The following EIF2AK1 variants were observed in gnomAD, a reference collection of about 807,000 sequenced individuals.
EIF2AK1 encodes the protein eukaryotic translation initiation factor 2 alpha kinase 1, also known as eukaryotic translation initiation factor 2-alpha kinase 1.
Under a neutral mutation model 77.9 loss-of-function variants are expected in EIF2AK1, and 54 were observed. The ratio of observed to expected loss-of-function variants is 0.69; its 90% CI spans 0.56 to 0.87. The LOEUF is 0.87. Among genes scored for constraint, EIF2AK1 ranks in the 40% least tolerant of loss-of-function variants. The probability of loss-of-function intolerance (pLI) is 0.00; values close to 1 mark genes in which losing one functional copy is unlikely to be tolerated. For synonymous variants in EIF2AK1, 314 were observed against 290.5 expected (o/e 1.08, Z -0.82); for missense variants, 810 against 768.6 (o/e 1.05, Z -0.64).
chr7:6,043,030 C>G, intron 7 of EIF2AK1, 37 bp from the exon 8 acceptor site: 1 of 1,600,204 alleles, frequency 6.2e-7, no homozygotes, highest in Non-Finnish European at 8.6e-7. Context: ...TTCAAACAGC[C>G]CAGTTTTTCA....
At chr7:6,026,226 A>G (rs531181941) in intron 14 of EIF2AK1, among the ~76,000 whole-genome samples, 1 of 151,996 alleles carries the variant, frequency 6.6e-6, no homozygotes, top group Non-Finnish European at 1.5e-5. Context: ...CCCTCGAGGG[A>G]CCCGCCCACC....
At position 6,027,105 on chromosome 7, in the gene EIF2AK1, A is replaced by C; in HGVS notation, c.1531-144T>G. ...CCCACAAGGAAGGGAACAGAGCAGG[A>C]TAGCTCATCAGTGACAGGGACTTTC... On this transcript the variant is annotated intron_variant, in intron 13 of 14. Transcript: ENST00000199389. The surrounding 1 kb of genome is among the most constrained non-coding windows in gnomAD (Gnocchi z 4.5). 1 of 686,068 alleles carries C rather than the reference A, an allele frequency of 1.5e-6. No individual in the cohort carries two copies. The highest frequency in any genetic ancestry group is 2.5e-6 in the Non-Finnish European group (1 of 407,676). The allele number at this position is 686,068 out of a possible 1,614,324, so 42.5% of individuals were successfully genotyped here. A position where few individuals can be genotyped will look rare whatever the true frequency, so the allele number is the denominator to read the frequency against.
chr7:6,034,256 A>G (rs1432166550), intron 11 of EIF2AK1, among the ~76,000 whole-genome samples: 3 of 152,004 alleles, frequency 2.0e-5, no homozygotes, highest in Non-Finnish European at 4.4e-5. Flanking sequence ...GCAGTGAGCC[A>G]AAATCACGCC....
chr7:6,031,650 A>G lies in EIF2AK1; in HGVS notation c.1333-2618T>C, dbSNP rs1787916717. On this transcript the variant is annotated intron_variant, in intron 11 of 14. Coordinates refer to ENST00000199389, the MANE Select transcript of EIF2AK1 (RefSeq NM_014413.4). Reference sequence around the variant, plus strand: ...AAAGTCAGGCTGCTTAGAAAGAAGCATGATCTAAAGCTGGTGAACCCACTA... The same window carrying G: ...AAAGTCAGGCTGCTTAGAAAGAAGCGTGATCTAAAGCTGGTGAACCCACTA... The G allele has an allele frequency of 3.3e-6, 5 of 1,495,666 alleles. No homozygotes were observed. In the South Asian group the frequency reaches 4.9e-5, roughly 15 times the overall value. 92.6% of individuals were successfully genotyped at this position (1,495,666 alleles called of 1,614,324 possible).
At chr7:6,026,373 G>A (rs1787745839) in intron 14 of EIF2AK1, 1 of 482,226 alleles carries the variant, frequency 2.1e-6, no homozygotes, top group South Asian at 1.6e-5. Context: ...TGCAAACCCT[G>A]CGGGCCCCTC....
At chr7:6,026,555 AC>A (rs1787752290) in intron 14 of EIF2AK1, 172 bp downstream of exon 14, 3 of 715,318 alleles carry the variant, frequency 4.2e-6, no homozygotes, top group Admixed American at 4.0e-5. Flanking sequence ...CTGCCAGCAC[AC>A]CCTGCAGCTG....
chr7:6,024,475 G>C lies in EIF2AK1; in HGVS notation c.*198C>G, dbSNP rs1787680288. The C allele has an allele frequency of 2.1e-6, 3 of 1,417,598 alleles. No homozygotes were observed. The highest frequency in any genetic ancestry group is 2.7e-6 in the Non-Finnish European group (3 of 1,092,828). The allele number at this position is 1,417,598 out of a possible 1,614,324, so 87.8% of individuals were successfully genotyped here. On this transcript the variant is annotated 3_prime_UTR_variant, in exon 15 of 15. Coordinates refer to ENST00000199389, the MANE Select transcript of EIF2AK1 (RefSeq NM_014413.4). ...TTTTAGTTTCAGAGACTAGGCATAT[G>C]GTTAATATTTAGGTAGGAAATTCAG...
chr7:6,029,567 C>T (rs766090723), intron 11 of EIF2AK1, among the ~76,000 whole-genome samples: 1 of 151,964 alleles, frequency 6.6e-6, no homozygotes, highest in Non-Finnish European at 1.5e-5. Flanking sequence ...TGAACGCAAG[C>T]ATCAGTATTA....
Position 6,046,945 on chromosome 7 carries a change from C to T in EIF2AK1, c.549+47G>A, listed in dbSNP as rs757603130. 11 of 1,429,366 alleles carry T rather than the reference C, an allele frequency of 7.7e-6. 1 individual carries two copies. The South Asian group carries it at 1.4e-4, about 18-fold the overall frequency. 88.5% of individuals were successfully genotyped at this position (1,429,366 alleles called of 1,614,324 possible). ...GAATAATGAAAACAATATCTGAAAA[C>T]ACAATTATTTAGGGTAGTAGGTCAA... On this transcript the variant is annotated intron_variant, in intron 5 of 14. Coordinates refer to ENST00000199389, the MANE Select transcript of EIF2AK1 (RefSeq NM_014413.4).
At chr7:6,030,097 C>G (rs1260537802) in intron 11 of EIF2AK1, among the ~76,000 whole-genome samples, 4 of 152,192 alleles carry the variant, frequency 2.6e-5, no homozygotes, top group Non-Finnish European at 5.9e-5. Flanking sequence ...GCACCGGCAG[C>G]CAGCCTGCAA....
At chr7:6,045,850 G>T (rs41280714) in intron 6 of EIF2AK1, among the ~76,000 whole-genome samples, 1,918 of 151,468 alleles carry the variant, frequency 0.013, 23 homozygotes, top group Middle Eastern at 0.055. Flanking sequence ...AGTGAGCCGA[G>T]ATCACGCCAC....
intron 4 of EIF2AK1, 77 bp from the exon 5 acceptor site, chr7:6,047,168 A>G: frequency 1.4e-6 from 2 of 1,382,860 alleles, no homozygotes; most frequent in Non-Finnish European, 2.0e-6. Context: ...TGCTCACAGG[A>G]TTACTAACCT....
intron 11 of EIF2AK1, chr7:6,031,707 C>A: frequency 1.1e-6 from 1 of 942,188 alleles, no homozygotes; most frequent in Non-Finnish European, 1.6e-6. Flanking sequence ...TGAGACACGA[C>A]TCCAGCTCAC....
At chr7:6,057,848 T>C (rs1179040569) in intron 1 of EIF2AK1, among the ~76,000 whole-genome samples, 2 of 152,110 alleles carry the variant, frequency 1.3e-5, no homozygotes, top group Admixed American at 1.3e-4. Flanking sequence ...CAGGCTGGTG[T>C]TGAACTCCTG....
In EIF2AK1 at chr7:6,036,418, C is replaced by CT. The variant is rs764122795; in HGVS notation, c.1332+1005dup. 142 of 1,414,152 alleles carry CT rather than the reference C, an allele frequency of 1.0e-4. 2 individuals carry two copies. The South Asian group carries it at 2.1e-3, about 21-fold the overall frequency. The allele number at this position is 1,414,152 out of a possible 1,614,324, so 87.6% of individuals were successfully genotyped here. A position where few individuals can be genotyped will look rare whatever the true frequency, so the allele number is the denominator to read the frequency against. ...ACCTCCCAGTTTCACAGCAGAGGGA[C>CT]TTTCAGCCACTCAAACTGCATTTTC... is the stretch of plus-strand genomic sequence containing the variant. On this transcript the variant is annotated intron_variant, in intron 11 of 14. Coordinates refer to ENST00000199389, the MANE Select transcript of EIF2AK1 (RefSeq NM_014413.4). The surrounding 1 kb of genome is among the most constrained non-coding windows in gnomAD (Gnocchi z 4.6).
chr7:6,036,350 T>C lies in EIF2AK1; in HGVS notation c.1332+1074A>G, dbSNP rs1245613077. ...TCCTCCCAGTGACAATATGGAATTCTGTCTACTGCTGTTATGACTTGGCAT... is the reference window on the plus strand; with the variant it reads ...TCCTCCCAGTGACAATATGGAATTCCGTCTACTGCTGTTATGACTTGGCAT... On this transcript the variant is annotated intron_variant, in intron 11 of 14. Transcript: ENST00000199389. This position sits in a 1 kb window ranked among gnomAD's most constrained non-coding sequence, Gnocchi z 4.6. 1 of 1,524,020 alleles carries C rather than the reference T, an allele frequency of 6.6e-7. No homozygotes were observed. Among genetic ancestry groups the C allele is most frequent in the East Asian group, 2.5e-5 (1 of 40,814 alleles). 94.4% of individuals were successfully genotyped at this position (1,524,020 alleles called of 1,614,324 possible). A position where few individuals can be genotyped will look rare whatever the true frequency, so the allele number is the denominator to read the frequency against.
chr7:6,038,412 G>T, intron 10 of EIF2AK1, 148 bp downstream of exon 10: 2 of 546,400 alleles, frequency 3.7e-6, no homozygotes, highest in Non-Finnish European at 6.3e-6. Flanking sequence ...TCCTGCCTGA[G>T]CAACAAACAG....
At chr7:6,055,982 C>CAA (rs755531680) in intron 1 of EIF2AK1, among the ~76,000 whole-genome samples, 402 of 23,942 alleles carry the variant, frequency 0.017, 67 homozygotes, top group African/African-American at 0.049. Context: ...AACTCTGTCT[C>CAA]AAAAAAAAAA....
chr7:6,049,334 G>T (rs1158236578), intron 3 of EIF2AK1, among the ~76,000 whole-genome samples: 2 of 152,182 alleles, frequency 1.3e-5, no homozygotes, highest in Non-Finnish European at 2.9e-5. Flanking sequence ...ACGAGGTCAG[G>T]AGTTCGAGAC....
Sources: gnomAD v4.1 joint callset for allele counts (sites outside exome capture counted in the v4.1 genomes callset) on GRCh38, gnomAD v4.1.1 for gene constraint, Gnocchi (gnomAD v3.1) non-coding constraint, MANE v1.5 for transcripts, NCBI Gene and HGNC (gene_info 2026-07-23, HGNC 2026-07-21) for gene names.